The following CDH18 variants were observed in gnomAD, a reference collection of about 807,000 sequenced individuals.
CDH18 encodes cadherin-18.
A neutral mutation model predicts 67.9 loss-of-function variants in CDH18; 31 were observed. That is an observed-to-expected ratio of 0.46 (90% CI 0.34 to 0.62). The LOEUF (loss-of-function observed/expected upper bound fraction) is 0.62, where lower values mean the gene tolerates loss of function less well. Among genes scored for constraint, CDH18 ranks in the 20% least tolerant of loss-of-function variants. The pLI, the probability that CDH18 is intolerant of heterozygous loss-of-function variation, is 0.01. For synonymous variants in CDH18, 362 were observed against 347.2 expected, an observed-to-expected ratio of 1.04 and a Z score of -0.48; for missense variants, 890 against 975.5, an observed-to-expected ratio of 0.91 and a Z score of 1.17.
Position 19,960,779 on chromosome 5 carries a change from G to GTA in CDH18, c.-257+20279_-257+20280dup, listed in dbSNP as rs149626640. On this transcript the variant is annotated intron_variant, in intron 2 of 12. Coordinates refer to ENST00000382275, the MANE Select transcript of CDH18 (RefSeq NM_004934.5). The stretch of plus-strand genomic sequence containing the variant: ...TATGTATATATGTATATATACACGT[G>GTA]TATATATATGTGTATATATGTATAT... Among the ~76,000 whole-genome samples, 3 of 138,474 alleles carry GTA rather than the reference G, an allele frequency of 2.2e-5. No individual in the cohort carries two copies. In the South Asian group the frequency reaches 6.4e-4, roughly 29 times the overall value. The allele number at this position is 138,474 out of a possible 152,430, so 90.8% of individuals were successfully genotyped here.
intron 1 of CDH18, among the ~76,000 whole-genome samples, chr5:20,547,765 A>T (rs1757421576): frequency 6.6e-6 from 1 of 152,144 alleles, no homozygotes; most frequent in South Asian, 2.1e-4. Flanking sequence ...TTATTCCTAG[A>T]TGAGTAGGAA....
chr5:19,505,673 T>A (rs1744016284), intron 10 of CDH18, among the ~76,000 whole-genome samples: 1 of 152,140 alleles, frequency 6.6e-6, no homozygotes, highest in Non-Finnish European at 1.5e-5. Flanking sequence ...GAAGCTCACT[T>A]GATCATGGTG....
intron 10 of CDH18, among the ~76,000 whole-genome samples, chr5:19,517,829 T>C (rs980738923): frequency 6.6e-6 from 1 of 152,052 alleles, no homozygotes; most frequent in Non-Finnish European, 1.5e-5. Flanking sequence ...TCTCATACTC[T>C]TATTTATATT....
At chr5:19,670,439 T>C (rs546543892) in intron 5 of CDH18, among the ~76,000 whole-genome samples, 1 of 152,288 alleles carries the variant, frequency 6.6e-6, no homozygotes, top group East Asian at 1.9e-4. Flanking sequence ...AAATTTTGTG[T>C]TACTGCACTG....
At chr5:19,853,144 C>T (rs1783901100) in intron 2 of CDH18, among the ~76,000 whole-genome samples, 1 of 152,118 alleles carries the variant, frequency 6.6e-6, no homozygotes, top group South Asian at 2.1e-4. Flanking sequence ...TATTTTCTCA[C>T]TGTTCTGGAG....
chr5:20,018,298 T>C (rs1415341327), intron 2 of CDH18, among the ~76,000 whole-genome samples: 2 of 152,112 alleles, frequency 1.3e-5, no homozygotes, highest in African/African-American at 4.8e-5. Context: ...AGAAGTAGAG[T>C]TCGGAATGTC....
At chr5:20,466,502 A>C (rs2150231866) in intron 1 of CDH18, among the ~76,000 whole-genome samples, 1 of 152,214 alleles carries the variant, frequency 6.6e-6, no homozygotes, top group Non-Finnish European at 1.5e-5. Context: ...ACAACTAACA[A>C]ATTATTTACA....
intron 2 of CDH18, among the ~76,000 whole-genome samples, chr5:20,193,189 G>A (rs535828904): frequency 2.2e-4 from 34 of 151,768 alleles, no homozygotes; most frequent in African/African-American, 6.3e-4. Context: ...AAAATAGACC[G>A]CTAGTTAGAA....
At chr5:20,205,824 C>T (rs946963649) in intron 2 of CDH18, among the ~76,000 whole-genome samples, 45 of 151,340 alleles carry the variant, frequency 3.0e-4, no homozygotes, top group African/African-American at 9.7e-4. Context: ...AATACAACAC[C>T]GCAAAATCCA....
At chr5:20,042,569 A>G (rs1400907966) in intron 2 of CDH18, among the ~76,000 whole-genome samples, 1 of 152,198 alleles carries the variant, frequency 6.6e-6, no homozygotes, top group African/African-American at 2.4e-5. Context: ...ACATTAATTA[A>G]ACAATTTAAT....
intron 1 of CDH18, among the ~76,000 whole-genome samples, chr5:20,544,530 A>G (rs1757231963): frequency 6.6e-6 from 1 of 152,076 alleles, no homozygotes; most frequent in Non-Finnish European, 1.5e-5. Context: ...ATCATATTGG[A>G]AGGCAAAGGG....
chr5:20,210,570 C>A (rs544559732), intron 2 of CDH18, among the ~76,000 whole-genome samples: 2 of 151,780 alleles, frequency 1.3e-5, no homozygotes, highest in African/African-American at 4.8e-5. Context: ...AGTAGTAGTT[C>A]TGAAATTATT....
intron 6 of CDH18, among the ~76,000 whole-genome samples, chr5:19,593,081 G>C (rs974586734): frequency 6.6e-6 from 1 of 151,988 alleles, no homozygotes; most frequent in African/African-American, 2.4e-5. Context: ...TGGACATTTA[G>C]ATTGTTTCCA....
chr5:20,324,489 T>A (rs1738361149), intron 1 of CDH18, among the ~76,000 whole-genome samples: 1 of 152,014 alleles, frequency 6.6e-6, no homozygotes. Context: ...TGCAGTGAGC[T>A]GAGATCAGGC....
At chr5:20,293,401 T>C (rs1182426197) in intron 1 of CDH18, among the ~76,000 whole-genome samples, 1 of 151,722 alleles carries the variant, frequency 6.6e-6, no homozygotes, top group African/African-American at 2.4e-5. Flanking sequence ...GGAAAGAAAA[T>C]GTCATAAGGA....
intron 5 of CDH18, among the ~76,000 whole-genome samples, chr5:19,661,298 A>T (rs551075772): frequency 6.6e-6 from 1 of 152,098 alleles, no homozygotes; most frequent in Non-Finnish European, 1.5e-5. Flanking sequence ...TTTATTTCTT[A>T]AGGCACTTTT....
At chr5:19,878,063 G>T (rs947812462) in intron 2 of CDH18, 1 of 151,924 alleles carries the variant, frequency 6.6e-6, no homozygotes, top group African/African-American at 2.4e-5. Flanking sequence ...TAGAACCAAG[G>T]GTTCAATATG....
chr5:19,864,890 T>C (rs951593982), intron 2 of CDH18, among the ~76,000 whole-genome samples: 4 of 152,186 alleles, frequency 2.6e-5, no homozygotes, highest in East Asian at 1.9e-4. Flanking sequence ...AATTTGGATG[T>C]GCAAGGGACT....
In CDH18 at chr5:19,740,608, C is replaced by T. The variant is rs1348530097; in HGVS notation, c.523+6334G>A. Among the ~76,000 whole-genome samples, 4 of 152,180 alleles carry T rather than the reference C, an allele frequency of 2.6e-5. No homozygotes were observed. The East Asian group carries it at 7.7e-4, about 29-fold the overall frequency. ...CTAATTTTATGTCTTTGTATTATTG[C>T]TAAATTTCTTAGTGAGTTATGATGT... is the stretch of plus-strand genomic sequence containing the variant. On this transcript the variant is annotated intron_variant, in intron 4 of 12. Coordinates refer to ENST00000382275, the MANE Select transcript of CDH18 (RefSeq NM_004934.5).
Sources: gnomAD v4.1 joint callset for allele counts (sites outside exome capture counted in the v4.1 genomes callset) on GRCh38, gnomAD v4.1.1 for gene constraint, MANE v1.5 for transcripts, NCBI Gene and HGNC (gene_info 2026-07-23, HGNC 2026-07-21) for gene names.